UMODL1: variants seen among roughly 807,000 people sequenced by gnomAD.
The protein encoded by UMODL1 is uromodulin like 1, also known as uromodulin-like 1.
UMODL1 carries 128 observed loss-of-function variants against 136.3 expected under a neutral mutation model. The observed-to-expected ratio is 0.94, with a 90% CI of 0.81 to 1.09. The LOEUF (loss-of-function observed/expected upper bound fraction) is 1.09, where lower values mean the gene tolerates loss of function less well. Among genes scored for constraint, UMODL1 ranks in the 50% least tolerant of loss-of-function variants. UMODL1 has a pLI of 0.00. For missense variants in UMODL1, 1,766 were observed against 1,725.6 expected (o/e 1.02, Z -0.41); for synonymous variants, 721 against 720.0 (o/e 1.00, Z -0.02).
chr21:42,069,012 T>G (rs1426900368), upstream of UMODL1, among the ~76,000 whole-genome samples: 2 of 152,340 alleles, frequency 1.3e-5, no homozygotes, highest in East Asian at 3.9e-4. Context: ...TTTGGGGCTC[T>G]CTGCTGGATG....
At position 42,085,266 on chromosome 21, in the gene UMODL1, A is replaced by G. The variant is rs988924025; in HGVS notation, c.482-25A>G. 77 of 1,611,878 alleles carry G rather than the reference A, an allele frequency of 4.8e-5. No individual in the cohort carries two copies. Among genetic ancestry groups the G allele is most frequent in the Non-Finnish European group, 6.4e-5 (75 of 1,178,598 alleles). ...GACTTCAACCTGTCCTGGGTCCATA[A>G]TCATCAGTGTTTTCCCTTGTGTAGC... On this transcript the variant is annotated intron_variant, in intron 3 of 22. Transcript: ENST00000408910. This position sits in a 1 kb window ranked among gnomAD's most constrained non-coding sequence, Gnocchi z 4.5.
chr21:42,137,677 A>G, intron 22 of UMODL1, 36 bp downstream of exon 22: 1 of 831,990 alleles, frequency 1.2e-6, no homozygotes. Flanking sequence ...GCAGGCTGAC[A>G]GGAAGGTGGG....
intron 2 of UMODL1, among the ~76,000 whole-genome samples, chr21:42,077,040 TGTGTGTGTGTGTGTGTGTGTGTGTGTG>T (rs2066302215): frequency 7.4e-6 from 1 of 134,974 alleles, no homozygotes; most frequent in African/African-American, 3.4e-5. Flanking sequence ...TGTGTGTGTG[TGTGTGTGTGTGTGTGTGTGTGTGTGTG>T]GTGGCTGCTA....
Position 42,087,874 on chromosome 21 carries a change from TTC to T in UMODL1, c.604-416_604-415del, listed in dbSNP as rs1481378871. Among the ~76,000 whole-genome samples, 5 of 152,372 alleles carry T rather than the reference TTC, an allele frequency of 3.3e-5. No individual in the cohort carries two copies. In the East Asian group the frequency reaches 7.7e-4, roughly 23 times the overall value. Reference sequence around the variant, plus strand: ...TCTCCTTGGCCTGCAGACGGCTGTCTTCTCTGTCTCTTCACACTGTCTTCCCC... The same window carrying T: ...TCTCCTTGGCCTGCAGACGGCTGTCTTCTGTCTCTTCACACTGTCTTCCCC... On this transcript the variant is annotated intron_variant, in intron 4 of 22. Transcript: ENST00000408910.
At chr21:42,120,931 C>A in intron 15 of UMODL1, 156 bp from the exon 16 acceptor site, 2 of 912,452 alleles carry the variant, frequency 2.2e-6, no homozygotes, top group Non-Finnish European at 3.3e-6. Flanking sequence ...TTCAGGAAGC[C>A]TCCTGTACTT....
chr21:42,073,277 G>A (rs371887196), intron 1 of UMODL1, among the ~76,000 whole-genome samples: 9 of 152,344 alleles, frequency 5.9e-5, no homozygotes, highest in South Asian at 2.1e-4. Context: ...GTAGGTGAGC[G>A]CGTTCCTTCC....
chr21:42,098,862 G>C, intron 6 of UMODL1, 64 bp from the exon 7 acceptor site: 8 of 1,584,050 alleles, frequency 5.1e-6, no homozygotes, highest in Non-Finnish European at 6.9e-6. Context: ...TCTGTTACCT[G>C]CTTCAGAAGA....
At chr21:42,088,192 CGT>C in intron 4 of UMODL1, 100 bp from the exon 5 acceptor site, 1 of 1,236,160 alleles carries the variant, frequency 8.1e-7, no homozygotes. Context: ...CAGAATGGTA[CGT>C]GTGTGTGGAC....
chr21:42,070,156 G>A (rs1368922578), upstream of UMODL1, among the ~76,000 whole-genome samples: 4 of 152,216 alleles, frequency 2.6e-5, no homozygotes, highest in African/African-American at 9.6e-5. Flanking sequence ...GGAGTTAGGC[G>A]AGAAGGTCCC....
Position 42,113,696 on chromosome 21 carries a change from C to T in UMODL1, c.2228C>T (p.Pro743Leu), listed in dbSNP as rs2066866850. 3.7e-6 allele frequency: 6 copies of T among 1,614,054 alleles called. No individual in the cohort carries two copies. The highest frequency in any genetic ancestry group is 1.6e-4 in the Middle Eastern group (1 of 6,062). Residue 743 changes from proline to leucine, a missense_variant, in exon 13 of 23, where the codon CCT becomes CTT. Coordinates refer to ENST00000408910, the MANE Select transcript of UMODL1 (RefSeq NM_001004416.3). ...FQLTLTSMWS[P>L]AVVLETWNTS... ...CTCACTCTGACTTCCATGTGGAGCC[C>T]TGCTGTGGTCCTAGAGACCTGGAAC...
rs931033736 is a variant in UMODL1 at position 42,123,824 on chromosome 21, G to C, written c.3147+674G>C. On this transcript the variant is annotated intron_variant, in intron 17 of 22. Transcript: ENST00000408910. The surrounding 1 kb of genome is among the most constrained non-coding windows in gnomAD (Gnocchi z 4.4). Reference sequence around the variant, plus strand: ...ATGGGTGTGTGTTTGGGGGGCATTGGATGGCATTAGTCAGAACTGCTCTGT... The same window carrying C: ...ATGGGTGTGTGTTTGGGGGGCATTGCATGGCATTAGTCAGAACTGCTCTGT... 6.6e-6 allele frequency among the ~76,000 whole-genome samples: 1 copy of C among 152,166 alleles called. No individual in the cohort carries two copies. The highest frequency in any genetic ancestry group is 2.4e-5 in the African/African-American group (1 of 41,422).
intron 5 of UMODL1, among the ~76,000 whole-genome samples, chr21:42,089,406 A>C (rs1031095880): frequency 6.6e-6 from 1 of 152,146 alleles, no homozygotes; most frequent in African/African-American, 2.4e-5. Context: ...CATTAAGCAA[A>C]GTGCTCGTTC....
chr21:42,115,759 T>C (rs902632209), intron 13 of UMODL1, 114 bp from the exon 14 acceptor site: 2 of 772,936 alleles, frequency 2.6e-6, no homozygotes, highest in African/African-American at 3.5e-5. Flanking sequence ...GAACACGGGT[T>C]GGCTTTGGTG....
intron 21 of UMODL1, 110 bp from the exon 22 acceptor site, chr21:42,137,329 G>A: frequency 4.4e-6 from 6 of 1,373,150 alleles, no homozygotes; most frequent in Non-Finnish European, 5.1e-6. Context: ...CGTGGGCCTT[G>A]CATTCCCCGT....
intron 1 of UMODL1, among the ~76,000 whole-genome samples, chr21:42,064,671 T>G (rs2066169635): frequency 6.6e-6 from 1 of 152,176 alleles, no homozygotes; most frequent in Admixed American, 6.5e-5. Context: ...TTCCCCTGCC[T>G]AAGCCTCCTG....
At position 42,076,998 on chromosome 21, in the gene UMODL1, G is replaced by GA. The variant is rs1601176277; in HGVS notation, c.319+752dup. Among the ~76,000 whole-genome samples the GA allele has an allele frequency of 1.4e-3, 189 of 134,234 alleles. 1 individual carries two copies. The highest frequency in any genetic ancestry group is 5.1e-3 in the African/African-American group (176 of 34,196). The allele number at this position is 134,234 out of a possible 152,430, so 88.1% of individuals were successfully genotyped here. On this transcript the variant is annotated intron_variant, in intron 2 of 22. Coordinates refer to ENST00000408910, the MANE Select transcript of UMODL1 (RefSeq NM_001004416.3). ...GACACACAGGTGATCTCTTCCAGGG[G>GA]AGGGGTGTGTGTGTGTGTGTGTGTG...
chr21:42,074,563 C>T (rs570227462), intron 1 of UMODL1, among the ~76,000 whole-genome samples: 2 of 152,160 alleles, frequency 1.3e-5, no homozygotes, highest in South Asian at 2.1e-4. Flanking sequence ...CCAGGGGTCT[C>T]GAGAACGGAG....
intron 13 of UMODL1, among the ~76,000 whole-genome samples, chr21:42,114,394 G>A (rs189384438): frequency 7.2e-5 from 11 of 152,202 alleles, no homozygotes; most frequent in Admixed American, 6.5e-4. Context: ...CATTAGCATC[G>A]CTACCTGGGT....
chr21:42,120,897 T>C, intron 15 of UMODL1, 190 bp from the exon 16 acceptor site: 1 of 621,916 alleles, frequency 1.6e-6, no homozygotes, highest in Non-Finnish European at 2.7e-6. Flanking sequence ...CCTGCAGACA[T>C]ACTTAGCCAT....
Sources: gnomAD v4.1 joint callset for allele counts (sites outside exome capture counted in the v4.1 genomes callset) on GRCh38, gnomAD v4.1.1 for gene constraint, Gnocchi (gnomAD v3.1) non-coding constraint, MANE v1.5 for transcripts, NCBI Gene and HGNC (gene_info 2026-07-23, HGNC 2026-07-21) for gene names.